The following TRPC4AP variants were observed in gnomAD, a reference collection of about 807,000 sequenced individuals.
TRPC4AP encodes short transient receptor potential channel 4-associated protein.
TRPC4AP carries 45 observed loss-of-function variants against 99.0 expected under a neutral mutation model. That is an observed-to-expected ratio of 0.45 (90% confidence interval 0.36 to 0.58). The LOEUF (loss-of-function observed/expected upper bound fraction) is 0.58. Ranked by LOEUF, TRPC4AP falls within the 20% of genes least tolerant of loss-of-function variation. The pLI is 0.00. For missense variants in TRPC4AP, 879 were observed against 985.3 expected (o/e 0.89, Z 1.44); for synonymous variants, 408 against 385.8 (o/e 1.06, Z -0.67).
At chr20:35,069,637 C>A (rs2084252374) in intron 2 of TRPC4AP, among the ~76,000 whole-genome samples, 1 of 152,250 alleles carries the variant, frequency 6.6e-6, no homozygotes, top group South Asian at 2.1e-4. Context: ...AGAAGTGACA[C>A]TAGGCCACTT....
At chr20:35,037,559 T>A (rs1369799735) in intron 7 of TRPC4AP, among the ~76,000 whole-genome samples, 1 of 152,146 alleles carries the variant, frequency 6.6e-6, no homozygotes, top group African/African-American at 2.4e-5. Flanking sequence ...GGTATCTACA[T>A]GATGAGTATT....
chr20:35,042,920 C>T (rs1277557813), intron 7 of TRPC4AP, among the ~76,000 whole-genome samples: 1 of 152,184 alleles, frequency 6.6e-6, no homozygotes. Flanking sequence ...ACTACCTTCC[C>T]TTACCAGCTA....
chr20:35,047,762 G>A (rs1403572367), intron 6 of TRPC4AP, among the ~76,000 whole-genome samples: 1 of 152,090 alleles, frequency 6.6e-6, no homozygotes, highest in Non-Finnish European at 1.5e-5. Flanking sequence ...TGGTAGACCC[G>A]ATGGACTGAC....
chr20:35,086,052 C>T (rs1236945172), intron 1 of TRPC4AP, among the ~76,000 whole-genome samples: 1 of 150,400 alleles, frequency 6.6e-6, no homozygotes, highest in Non-Finnish European at 1.5e-5. Context: ...CTTCCCCCTC[C>T]CAGCCCCCCA....
intron 1 of TRPC4AP, 27 bp from the exon 2 acceptor site, chr20:35,078,201 A>AT: frequency 6.2e-7 from 1 of 1,605,374 alleles, no homozygotes; most frequent in South Asian, 1.1e-5. Flanking sequence ...GAGAGAACAT[A>AT]TTATTGTATT....
In TRPC4AP at chr20:35,078,037, A is replaced by G; in HGVS notation, c.297+9T>C. 1 of 1,610,802 alleles carries G rather than the reference A, an allele frequency of 6.2e-7. No individual in the cohort carries two copies. The highest frequency in any genetic ancestry group is 8.5e-7 in the Non-Finnish European group (1 of 1,177,744). On this transcript the variant is annotated intron_variant, in intron 2 of 18. Coordinates refer to ENST00000252015, the MANE Select transcript of TRPC4AP (RefSeq NM_015638.3). The stretch of plus-strand genomic sequence containing the variant: ...CTGAATACGCCCCTCCAAGGTCCTT[A>G]AGAGTTACCTTGAGGATGTTTTGAC...
At chr20:35,079,815 A>G (rs189883557) in intron 1 of TRPC4AP, among the ~76,000 whole-genome samples, 1 of 152,058 alleles carries the variant, frequency 6.6e-6, no homozygotes, top group East Asian at 1.9e-4. Context: ...TCAGGAGTTC[A>G]AGACCAGCCT....
intron 8 of TRPC4AP, among the ~76,000 whole-genome samples, chr20:35,027,766 C>T (rs1306491546): frequency 6.6e-6 from 1 of 152,154 alleles, no homozygotes; most frequent in African/African-American, 2.4e-5. Flanking sequence ...TTGCTCATTT[C>T]ATCTAGGTTA....
chr20:35,038,141 T>C (rs930005359), intron 7 of TRPC4AP, among the ~76,000 whole-genome samples: 8 of 149,380 alleles, frequency 5.4e-5, no homozygotes, highest in South Asian at 2.2e-4. Flanking sequence ...TGCAACTAGA[T>C]AGAGGTGGTA....
At chr20:35,077,996 G>A in intron 2 of TRPC4AP, 50 bp downstream of exon 2, 1 of 1,510,210 alleles carries the variant, frequency 6.6e-7, no homozygotes, top group East Asian at 2.3e-5. Flanking sequence ...CAGACATCTT[G>A]TGTCACCTAG....
chr20:35,084,025 C>T (rs964239894), intron 1 of TRPC4AP, among the ~76,000 whole-genome samples: 3 of 151,738 alleles, frequency 2.0e-5, no homozygotes, highest in East Asian at 1.9e-4. Flanking sequence ...GCAGGCCGGG[C>T]GCGGTGGCTC....
chr20:35,003,906 G>C (rs910625404), intron 17 of TRPC4AP, among the ~76,000 whole-genome samples: 1 of 152,172 alleles, frequency 6.6e-6, no homozygotes, highest in Admixed American at 6.5e-5. Flanking sequence ...CGGAAGGTCC[G>C]TCCCAGGCAG....
chr20:35,002,863 T>G lies in TRPC4AP; in HGVS notation c.*283A>C. 3 of 365,336 alleles carry G rather than the reference T, an allele frequency of 8.2e-6. No homozygotes were observed. The South Asian group carries it at 1.1e-4, about 13-fold the overall frequency. 22.6% of individuals were successfully genotyped at this position (365,336 alleles called of 1,614,324 possible). On this transcript the variant is annotated 3_prime_UTR_variant, in exon 19 of 19. Transcript: ENST00000252015. ...GCAGGAGCTCACACAGAGCTAATGC[T>G]AAATGTCCTCTTACCTCTGGGTGGC...
At chr20:35,023,428 G>T (rs564390881) in intron 8 of TRPC4AP, among the ~76,000 whole-genome samples, 320 of 152,318 alleles carry the variant, frequency 2.1e-3, no homozygotes, top group Non-Finnish European at 3.1e-3. Context: ...GAGTTTTTCT[G>T]CGAATGCTTG....
intron 1 of TRPC4AP, among the ~76,000 whole-genome samples, chr20:35,091,287 A>G (rs2085057618): frequency 6.6e-6 from 1 of 152,064 alleles, no homozygotes; most frequent in African/African-American, 2.4e-5. Flanking sequence ...TCAGGTCTTA[A>G]GAACACAAGG....
Position 35,069,423 on chromosome 20 carries a change from TA to T in TRPC4AP, c.298-12del, listed in dbSNP as rs747907552. 17 of 1,521,016 alleles carry T rather than the reference TA, an allele frequency of 1.1e-5. No individual in the cohort carries two copies. The highest frequency in any genetic ancestry group is 2.3e-5 in the East Asian group (1 of 44,376). The allele number at this position is 1,521,016 out of a possible 1,614,324, so 94.2% of individuals were successfully genotyped here. A position where few individuals can be genotyped will look rare whatever the true frequency, so the allele number is the denominator to read the frequency against. On this transcript the variant is annotated splice_polypyrimidine_tract_variant and intron_variant, in intron 2 of 18. Transcript: ENST00000252015. ...AAGAGGAGAAATTTCCTAGTTTTTT[TA>T]AAAAAAAGTACATACATTGTTTTAG...
rs1056146352 is a variant in TRPC4AP at position 35,007,482 on chromosome 20, G to C, written c.1686+68C>G. 3.3e-6 allele frequency: 5 copies of C among 1,502,926 alleles called. No homozygotes were observed. The East Asian group carries it at 1.1e-4, about 34-fold the overall frequency. 93.1% of individuals were successfully genotyped at this position (1,502,926 alleles called of 1,614,324 possible). On this transcript the variant is annotated intron_variant, in intron 14 of 18. Coordinates refer to ENST00000252015, the MANE Select transcript of TRPC4AP (RefSeq NM_015638.3). ...TCCTGATGAACTGTTTGGGGCTCAG[G>C]ACAGGACACAGCAACGCGTGGGCTG...
At chr20:35,066,869 A>C (rs6142290) in intron 3 of TRPC4AP, among the ~76,000 whole-genome samples, 59,893 of 152,006 alleles carry the variant, frequency 0.39, 12,976 homozygotes, top group East Asian at 0.59. Flanking sequence ...AATAAGAAAA[A>C]GGACAAATAA....
intron 2 of TRPC4AP, among the ~76,000 whole-genome samples, chr20:35,074,731 A>C (rs1194127027): frequency 6.6e-6 from 1 of 152,208 alleles, no homozygotes; most frequent in Non-Finnish European, 1.5e-5. Context: ...TGGCGCTGAG[A>C]AGAATGTATA....
Sources: gnomAD v4.1 joint callset for allele counts (sites outside exome capture counted in the v4.1 genomes callset) on GRCh38, gnomAD v4.1.1 for gene constraint, MANE v1.5 for transcripts, NCBI Gene and HGNC (gene_info 2026-07-23, HGNC 2026-07-21) for gene names.